ELAVL4: variants seen among roughly 807,000 people sequenced by gnomAD.
ELAVL4 encodes ELAV-like protein 4.
In ELAVL4, 1 loss-of-function variant was observed where a neutral mutation model predicts 35.6. The ratio of observed to expected loss-of-function variants is 0.03; its 90% CI spans 0.01 to 0.13. The LOEUF is 0.13. Among genes scored for constraint, ELAVL4 ranks in the 10% least tolerant of loss-of-function variants. ELAVL4 has a pLI of 1.00. For synonymous variants in ELAVL4, 156 were observed against 171.0 expected (o/e 0.91, Z 0.69); for missense variants, 267 against 464.9 (o/e 0.57, Z 3.91).
At chr1:50,196,685 T>C (rs1185876964) in intron 5 of ELAVL4, among the ~76,000 whole-genome samples, 1 of 152,200 alleles carries the variant, frequency 6.6e-6, no homozygotes, top group Middle Eastern at 3.2e-3. Context: ...TTGAAATGGT[T>C]AATGATTTCA....
chr1:50,101,674 G>A (rs1278267901), upstream of ELAVL4, among the ~76,000 whole-genome samples: 1 of 152,072 alleles, frequency 6.6e-6, no homozygotes, highest in Non-Finnish European at 1.5e-5. Flanking sequence ...GAGAGGCTGA[G>A]GCAGGAGGAT....
intron 1 of ELAVL4, among the ~76,000 whole-genome samples, chr1:50,121,302 G>A (rs1572263372): frequency 6.6e-6 from 1 of 151,936 alleles, no homozygotes; most frequent in East Asian, 1.9e-4. Flanking sequence ...CCATTGAATT[G>A]TATCCTTGAT....
intron 3 of ELAVL4, among the ~76,000 whole-genome samples, chr1:50,192,993 C>T (rs1285179902): frequency 2.0e-5 from 3 of 152,208 alleles, no homozygotes; most frequent in East Asian, 1.9e-4. Context: ...CAAAGTCGAA[C>T]TTATTATAAC....
chr1:50,100,743 A>G (rs1257812596), upstream of ELAVL4, among the ~76,000 whole-genome samples: 3 of 152,180 alleles, frequency 2.0e-5, no homozygotes, highest in Non-Finnish European at 4.4e-5. Flanking sequence ...TTAGCACTGA[A>G]CTTTGCTCAC....
intron 1 of ELAVL4, among the ~76,000 whole-genome samples, chr1:50,072,810 A>G (rs1664591078): frequency 1.3e-5 from 2 of 152,326 alleles, no homozygotes; most frequent in Non-Finnish European, 2.9e-5. Flanking sequence ...TCATTTTTAC[A>G]GATGAGGAAA....
Position 50,109,016 on chromosome 1 carries a change from C to CGGCGGG in ELAVL4, c.-174_-173insGGCGGG. ...CTCCTTTTCTTTTTTTTCTTTCTCT[C>CGGCGGG]CCCCGCCCACCCCCCCAAAAATAAT... On this transcript the variant is annotated 5_prime_UTR_variant, in exon 1 of 7. Transcript: ENST00000371824. 5 of 905,758 alleles carry CGGCGGG rather than the reference C, an allele frequency of 5.5e-6. No individual in the cohort carries two copies. The highest frequency in any genetic ancestry group is 6.6e-6 in the Non-Finnish European group (5 of 761,378). The allele number at this position is 905,758 out of a possible 1,614,324, so 56.1% of individuals were successfully genotyped here.
chr1:50,093,987 A>G (rs1331352604), intron 1 of ELAVL4, among the ~76,000 whole-genome samples: 1 of 152,218 alleles, frequency 6.6e-6, no homozygotes, highest in East Asian at 1.9e-4. Flanking sequence ...TTGTTGTGAA[A>G]CTAAGTGAGT....
intron 3 of ELAVL4, among the ~76,000 whole-genome samples, chr1:50,192,525 A>G (rs1015724911): frequency 9.9e-5 from 13 of 131,848 alleles, no homozygotes; most frequent in African/African-American, 4.1e-4. Context: ...GCACGCACAC[A>G]CACACACACA....
chr1:50,102,677 A>C (rs1157561635), upstream of ELAVL4, among the ~76,000 whole-genome samples: 1 of 152,148 alleles, frequency 6.6e-6, no homozygotes, highest in African/African-American at 2.4e-5. Flanking sequence ...TAGATTTATA[A>C]AAATTTATAC....
intron 3 of ELAVL4, among the ~76,000 whole-genome samples, chr1:50,187,236 G>T (rs1681971263): frequency 6.6e-6 from 1 of 152,166 alleles, no homozygotes; most frequent in Non-Finnish European, 1.5e-5. Context: ...TCCTCTGCTA[G>T]ACTAATAGTC....
At chr1:50,126,533 T>A (rs915104722) in intron 1 of ELAVL4, among the ~76,000 whole-genome samples, 2 of 152,152 alleles carry the variant, frequency 1.3e-5, no homozygotes, top group African/African-American at 4.8e-5. Context: ...ACCTAATTGA[T>A]GCTCTGGTGA....
upstream of ELAVL4, chr1:50,103,947 T>C: frequency 1.2e-6 from 2 of 1,613,932 alleles, no homozygotes; most frequent in Non-Finnish European, 1.7e-6. Flanking sequence ...ACGTGAATGC[T>C]CTGGAACTGC....
intron 1 of ELAVL4, among the ~76,000 whole-genome samples, chr1:50,063,728 T>C (rs936420975): frequency 1.3e-5 from 2 of 152,166 alleles, no homozygotes; most frequent in Non-Finnish European, 2.9e-5. Context: ...TCCCATAGCA[T>C]TGTGACATGC....
chr1:50,194,272 A>G (rs920976549), intron 4 of ELAVL4, among the ~76,000 whole-genome samples: 5 of 152,234 alleles, frequency 3.3e-5, no homozygotes, highest in Admixed American at 2.6e-4. Flanking sequence ...ACCTGTATGC[A>G]TAGCTGTAAC....
intron 1 of ELAVL4, among the ~76,000 whole-genome samples, chr1:50,071,760 C>G (rs190236449): frequency 6.6e-6 from 1 of 152,160 alleles, no homozygotes; most frequent in African/African-American, 2.4e-5. Flanking sequence ...TTGATCAAGT[C>G]CTTTTACCTC....
intron 2 of ELAVL4, among the ~76,000 whole-genome samples, chr1:50,165,748 AT>A: frequency 2.1e-5 from 1 of 48,660 alleles, no homozygotes; most frequent in Non-Finnish European, 4.9e-5. Context: ...GTATATATAC[AT>A]ATATGTGTAT....
At chr1:50,095,390 T>C (rs1665678387) in intron 1 of ELAVL4, among the ~76,000 whole-genome samples, 1 of 152,074 alleles carries the variant, frequency 6.6e-6, no homozygotes, top group Non-Finnish European at 1.5e-5. Flanking sequence ...AGGGTTTTCA[T>C]AATATTTTGC....
Position 50,183,555 on chromosome 1 carries a change from G to T in ELAVL4, c.354+6363G>T, listed in dbSNP as rs141934353. Among the ~76,000 whole-genome samples the T allele has an allele frequency of 9.6e-3, 1,455 of 152,206 alleles. 10 individuals carry two copies. The highest frequency in any genetic ancestry group is 0.017 in the Non-Finnish European group (1,159 of 67,996). On this transcript the variant is annotated intron_variant, in intron 3 of 6. Coordinates refer to ENST00000371824, the MANE Select transcript of ELAVL4 (RefSeq NM_001144774.3). ...TCCTTCATTTCCACCTCTTCCTGTT[G>T]TGATGCTGCTTAACCACTTCTCCAT... is the stretch of plus-strand genomic sequence containing the variant.
At chr1:50,114,088 A>G (rs1667538117) in intron 1 of ELAVL4, among the ~76,000 whole-genome samples, 1 of 152,222 alleles carries the variant, frequency 6.6e-6, no homozygotes, top group South Asian at 2.1e-4. Flanking sequence ...TCTGTTAGTA[A>G]CCAAACACCT....
Sources: gnomAD v4.1 joint callset for allele counts (sites outside exome capture counted in the v4.1 genomes callset) on GRCh38, gnomAD v4.1.1 for gene constraint, MANE v1.5 for transcripts, NCBI Gene and HGNC (gene_info 2026-07-23, HGNC 2026-07-21) for gene names.